NTRK2: variants seen among roughly 807,000 people sequenced by gnomAD.
The protein encoded by NTRK2 is neurotrophic receptor tyrosine kinase 2.
In NTRK2, 13 loss-of-function variants were observed where a neutral mutation model predicts 94.5. That is an observed-to-expected ratio of 0.14 (90% CI 0.09 to 0.22). NTRK2 has a LOEUF of 0.22. Among genes scored for constraint, NTRK2 ranks in the 10% least tolerant of loss-of-function variants. The pLI, the probability that NTRK2 is intolerant of heterozygous loss-of-function variation, is 1.00. For missense variants in NTRK2, 639 were observed against 1,071.2 expected, an observed-to-expected ratio of 0.60 and a Z score of 5.63; for synonymous variants, 372 against 407.4, an observed-to-expected ratio of 0.91 and a Z score of 1.05.
At chr9:84,958,263 C>CA in intron 17 of NTRK2, among the ~76,000 whole-genome samples, 1 of 150,674 alleles carries the variant, frequency 6.6e-6, no homozygotes, top group East Asian at 1.9e-4. Context: ...AATTATATCT[C>CA]AAAAAAGAAA....
chr9:84,988,304 G>A (rs1828601297), intron 17 of NTRK2, among the ~76,000 whole-genome samples: 1 of 152,200 alleles, frequency 6.6e-6, no homozygotes, highest in Non-Finnish European at 1.5e-5. Context: ...AGAGGACCCT[G>A]GAAGGTGTGA....
At chr9:84,742,340 A>C (rs1211102757) in intron 10 of NTRK2, among the ~76,000 whole-genome samples, 1 of 152,194 alleles carries the variant, frequency 6.6e-6, no homozygotes, top group East Asian at 1.9e-4. Flanking sequence ...GGAACCTCAA[A>C]GGTAGGGCTT....
intron 12 of NTRK2, among the ~76,000 whole-genome samples, chr9:84,842,332 A>G (rs1260677533): frequency 1.3e-5 from 2 of 152,158 alleles, no homozygotes; most frequent in Non-Finnish European, 2.9e-5. Flanking sequence ...CAGCGTTATC[A>G]TCATAAATCT....
At chr9:84,957,522 C>G (rs1350564390) in intron 17 of NTRK2, among the ~76,000 whole-genome samples, 1 of 152,192 alleles carries the variant, frequency 6.6e-6, no homozygotes, top group Non-Finnish European at 1.5e-5. Flanking sequence ...CATCATTAGT[C>G]TTTAGGGAAA....
intron 12 of NTRK2, among the ~76,000 whole-genome samples, chr9:84,798,912 C>CCATATA (rs376082856): frequency 7.8e-6 from 1 of 128,036 alleles, no homozygotes; most frequent in African/African-American, 3.1e-5. Flanking sequence ...CTTCTAAGTG[C>CCATATA]TATATATATA....
At chr9:84,847,428 T>C (rs753944555) in intron 12 of NTRK2, among the ~76,000 whole-genome samples, 5 of 152,224 alleles carry the variant, frequency 3.3e-5, no homozygotes, top group Admixed American at 2.0e-4. Context: ...TACAAGCTTG[T>C]ATGTGGCTTG....
chr9:84,947,144 C>G (rs1167952333), intron 15 of NTRK2, among the ~76,000 whole-genome samples: 3 of 152,052 alleles, frequency 2.0e-5, no homozygotes, highest in African/African-American at 7.2e-5. Context: ...TTAGTAGAGA[C>G]AGTGTTTCAC....
chr9:84,811,900 G>A, intron 12 of NTRK2: 1 of 1,062,920 alleles, frequency 9.4e-7, no homozygotes, highest in Non-Finnish European at 1.1e-6. Context: ...GAGAGGTTTG[G>A]CTATCCCCAC....
chr9:84,768,014 A>G (rs973777876), intron 12 of NTRK2, among the ~76,000 whole-genome samples: 1 of 152,216 alleles, frequency 6.6e-6, no homozygotes, highest in African/African-American at 2.4e-5. Flanking sequence ...TGGAAACCTA[A>G]GAATGGAAAA....
chr9:84,817,555 C>T (rs1029267861), intron 12 of NTRK2, among the ~76,000 whole-genome samples: 3 of 152,244 alleles, frequency 2.0e-5, no homozygotes, highest in African/African-American at 7.2e-5. Flanking sequence ...GAATGTCTTA[C>T]ACTGAATACA....
At chr9:84,810,576 G>A (rs772246180) in intron 12 of NTRK2, 1 of 1,613,976 alleles carries the variant, frequency 6.2e-7, no homozygotes, top group East Asian at 2.2e-5. Flanking sequence ...CACTGGATGG[G>A]TAGCTGAAAT....
At chr9:84,904,588 GA>G (rs2077020074) in intron 14 of NTRK2, among the ~76,000 whole-genome samples, 2 of 152,156 alleles carry the variant, frequency 1.3e-5, no homozygotes, top group African/African-American at 4.8e-5. Flanking sequence ...CTCTGATGTA[GA>G]AAATAAAAAT....
intron 14 of NTRK2, among the ~76,000 whole-genome samples, chr9:84,904,671 T>A (rs1319166934): frequency 2.0e-5 from 3 of 152,222 alleles, no homozygotes; most frequent in Admixed American, 1.3e-4. Context: ...ATATTACATA[T>A]GCTTGTTGAC....
chr9:84,874,436 T>C, intron 14 of NTRK2: 1 of 1,065,778 alleles, frequency 9.4e-7, no homozygotes, highest in Non-Finnish European at 1.1e-6. Flanking sequence ...GTAACCACCG[T>C]AGCTGGGCTT....
At chr9:84,672,926 A>T (rs185629221) in intron 2 of NTRK2, among the ~76,000 whole-genome samples, 1 of 152,226 alleles carries the variant, frequency 6.6e-6, no homozygotes, top group Admixed American at 6.5e-5. Context: ...TTACAAAAGC[A>T]TGTGTCATAG....
At chr9:84,774,024 T>C (rs1328111537) in intron 12 of NTRK2, among the ~76,000 whole-genome samples, 1 of 152,226 alleles carries the variant, frequency 6.6e-6, no homozygotes, top group African/African-American at 2.4e-5. Flanking sequence ...TCCTAACTAC[T>C]GTGCCTTCCT....
chr9:84,672,123 C>A (rs1173439052), intron 2 of NTRK2, among the ~76,000 whole-genome samples: 1 of 152,306 alleles, frequency 6.6e-6, no homozygotes, highest in African/African-American at 2.4e-5. Context: ...AGAAAACATA[C>A]AACCATGTTT....
chr9:84,823,776 G>T (rs759989482), intron 12 of NTRK2, among the ~76,000 whole-genome samples: 3 of 152,096 alleles, frequency 2.0e-5, no homozygotes, highest in Non-Finnish European at 4.4e-5. Flanking sequence ...ATTTTTTAAG[G>T]TCTCTATGAG....
At chr9:84,859,658 C>A (rs2075238773) in intron 12 of NTRK2, among the ~76,000 whole-genome samples, 1 of 152,004 alleles carries the variant, frequency 6.6e-6, no homozygotes, top group South Asian at 2.1e-4. Context: ...GTGAAAAAAA[C>A]AGGCTTAAAA....
Sources: allele counts gnomAD v4.1 joint callset (sites outside exome capture counted in the v4.1 genomes callset), GRCh38; gene constraint gnomAD v4.1.1; transcripts MANE v1.5; gene names NCBI Gene and HGNC (gene_info 2026-07-23, HGNC 2026-07-21).